The following BLOC1S5 variants were observed in gnomAD, a reference collection of about 807,000 sequenced individuals.
BLOC1S5 encodes biogenesis of lysosome-related organelles complex 1 subunit 5.
BLOC1S5 carries 27 observed loss-of-function variants against 24.3 expected under a neutral mutation model. The ratio of observed to expected loss-of-function variants is 1.11; its 90% confidence interval spans 0.82 to 1.53. The LOEUF (loss-of-function observed/expected upper bound fraction) is 1.53. Among genes scored for constraint, BLOC1S5 ranks in the 40% most tolerant of loss-of-function variants. The probability of loss-of-function intolerance (pLI) is 0.00; values close to 1 mark genes in which losing one functional copy is unlikely to be tolerated. For missense variants in BLOC1S5, 239 were observed against 229.4 expected (o/e 1.04, Z -0.27); for synonymous variants, 84 against 74.5 (o/e 1.13, Z -0.66).
intron 3 of BLOC1S5, among the ~76,000 whole-genome samples, chr6:8,031,447 C>T (rs894170477): frequency 3.9e-5 from 6 of 152,138 alleles, no homozygotes; most frequent in African/African-American, 1.4e-4. Context: ...AGGAAAACTA[C>T]AAAACATGAC....
intron 2 of BLOC1S5, among the ~76,000 whole-genome samples, chr6:8,062,100 G>A (rs1764533326): frequency 6.6e-6 from 1 of 152,108 alleles, no homozygotes. Flanking sequence ...TAAAAGATGG[G>A]GTCACTGAAT....
intron 3 of BLOC1S5, among the ~76,000 whole-genome samples, chr6:8,028,364 T>TAAAA (rs200405748): frequency 2.3e-4 from 33 of 146,122 alleles, no homozygotes; most frequent in African/African-American, 6.8e-4. Flanking sequence ...AGAAAATATT[T>TAAAA]AAAAAAAAAA....
rs367754967 is a variant in BLOC1S5, at chr6:8,034,956, TACAC to T, written c.325+6179_325+6182del. On this transcript the variant is annotated intron_variant, in intron 3 of 4. Transcript: ENST00000397457. ...ATATACATATATATACACATATGCATACACACACACACACACATACACATATACA... is the reference window on the plus strand; with the variant it reads ...ATATACATATATATACACATATGCATACACACACACACATACACATATACA... 1.2e-3 allele frequency among the ~76,000 whole-genome samples: 174 copies of T among 150,248 alleles called. 1 individual carries two copies. Among genetic ancestry groups the T allele is most frequent in the Middle Eastern group, 0.01 (3 of 290 alleles).
intron 3 of BLOC1S5, among the ~76,000 whole-genome samples, chr6:8,035,731 G>A (rs543755797): frequency 1.3e-5 from 2 of 152,240 alleles, no homozygotes; most frequent in African/African-American, 4.8e-5. Context: ...GAACTCCCAA[G>A]TACATACAGG....
intron 3 of BLOC1S5, among the ~76,000 whole-genome samples, chr6:8,035,815 T>C (rs905848176): frequency 1.3e-5 from 2 of 152,168 alleles, no homozygotes; most frequent in Non-Finnish European, 1.5e-5. Flanking sequence ...TTCTTAGTAA[T>C]GGACAGATCA....
chr6:8,026,269 C>T (rs938330954), intron 4 of BLOC1S5, 98 bp downstream of exon 4: 13 of 939,636 alleles, frequency 1.4e-5, no homozygotes, highest in Non-Finnish European at 2.0e-5. Flanking sequence ...ATGTAAAACT[C>T]ACTGCATTCA....
At chr6:8,032,167 G>A (rs2113541354) in intron 3 of BLOC1S5, among the ~76,000 whole-genome samples, 1 of 152,180 alleles carries the variant, frequency 6.6e-6, no homozygotes, top group South Asian at 2.1e-4. Flanking sequence ...GAAATAATCA[G>A]CAAACAGACA....
In BLOC1S5 at chr6:8,027,976, T is replaced by C. The variant is rs143569776; in HGVS notation, c.326-1551A>G. 4.1e-3 allele frequency among the ~76,000 whole-genome samples: 628 copies of C among 152,384 alleles called. 9 individuals carry two copies. Among genetic ancestry groups the C allele is most frequent in the Admixed American group, 0.035 (541 of 15,310 alleles). On this transcript the variant is annotated intron_variant, in intron 3 of 4. Coordinates refer to ENST00000397457, the MANE Select transcript of BLOC1S5 (RefSeq NM_201280.3). ...AAAGCCCAGTTCAAGGTTTACTGTC[T>C]TCACAAAGCCCTCCTGATTAGTCCC... is the stretch of plus-strand genomic sequence containing the variant.
At chr6:8,046,510 AT>A (rs142440159) in intron 2 of BLOC1S5, among the ~76,000 whole-genome samples, 2,884 of 151,972 alleles carry the variant, frequency 0.019, 89 homozygotes, top group African/African-American at 0.066. Flanking sequence ...GAGGTTTTTT[AT>A]TTTTTTTGAG....
chr6:8,053,786 C>T (rs1178865620), intron 2 of BLOC1S5, among the ~76,000 whole-genome samples: 2 of 152,132 alleles, frequency 1.3e-5, no homozygotes, highest in Non-Finnish European at 2.9e-5. Context: ...CAAATTCACA[C>T]ACACATACAT....
intron 3 of BLOC1S5, among the ~76,000 whole-genome samples, chr6:8,028,142 C>T (rs1763171218): frequency 1.3e-5 from 2 of 152,056 alleles, no homozygotes; most frequent in East Asian, 1.9e-4. Flanking sequence ...CACCCCAATC[C>T]GGCCCCAACT....
Position 8,014,112 on chromosome 6 carries a change from A to G in BLOC1S5, c.*1537T>C, listed in dbSNP as rs760365669. 1 of 152,216 alleles carries G rather than the reference A, an allele frequency of 6.6e-6. No individual in the cohort carries two copies. Among genetic ancestry groups the G allele is most frequent in the Non-Finnish European group, 1.5e-5 (1 of 68,042 alleles). The allele number at this position is 152,216 out of a possible 1,614,324, so 9.4% of individuals were successfully genotyped here. A position where few individuals can be genotyped will look rare whatever the true frequency, so the allele number is the denominator to read the frequency against. ...AGTCGCCACACTGAGATAACACAAG[A>G]GAGCTGGATATTTTCTTTCTTGTGC... is the stretch of plus-strand genomic sequence containing the variant. On this transcript the variant is annotated 3_prime_UTR_variant, in exon 5 of 5. Transcript: ENST00000397457.
chr6:8,047,283 C>A (rs1204033123), intron 2 of BLOC1S5, among the ~76,000 whole-genome samples: 1 of 151,566 alleles, frequency 6.6e-6, no homozygotes, highest in Non-Finnish European at 1.5e-5. Flanking sequence ...TCTTGGCTCA[C>A]TGCAACCTCT....
intron 2 of BLOC1S5, among the ~76,000 whole-genome samples, chr6:8,042,894 G>C (rs1763742201): frequency 6.6e-6 from 1 of 152,150 alleles, no homozygotes; most frequent in South Asian, 2.1e-4. Flanking sequence ...AAGCTTCCCT[G>C]TAAGATTACA....
chr6:8,047,160 T>TCACACACACA (rs57923927), intron 2 of BLOC1S5, among the ~76,000 whole-genome samples: 11 of 126,948 alleles, frequency 8.7e-5, no homozygotes, highest in African/African-American at 3.1e-4. Flanking sequence ...TCTCTCTCTC[T>TCACACACACA]CACACACACA....
intron 2 of BLOC1S5, among the ~76,000 whole-genome samples, chr6:8,048,908 G>A (rs926556574): frequency 1.3e-5 from 2 of 151,758 alleles, no homozygotes; most frequent in Non-Finnish European, 1.5e-5. Context: ...AGCTACTCAG[G>A]AGGCTGAGGC....
At chr6:8,056,576 AT>A (rs2113601524) in intron 2 of BLOC1S5, among the ~76,000 whole-genome samples, 1 of 152,342 alleles carries the variant, frequency 6.6e-6, no homozygotes, top group Admixed American at 6.5e-5. Context: ...TTCAATGCTT[AT>A]GGCACAGACT....
intron 2 of BLOC1S5, among the ~76,000 whole-genome samples, chr6:8,045,518 G>A (rs1036631904): frequency 2.6e-5 from 4 of 152,266 alleles, no homozygotes; most frequent in South Asian, 2.1e-4. Context: ...TAGATCCACC[G>A]ACAGCTTGCA....
intron 4 of BLOC1S5, among the ~76,000 whole-genome samples, chr6:8,019,240 C>G (rs940119913): frequency 6.6e-6 from 1 of 150,952 alleles, no homozygotes; most frequent in African/African-American, 2.4e-5. Flanking sequence ...TAGTTTCCCA[C>G]TTGTAATAGT....
Sources: allele counts gnomAD v4.1 joint callset (sites outside exome capture counted in the v4.1 genomes callset), GRCh38; gene constraint gnomAD v4.1.1; transcripts MANE v1.5; gene names NCBI Gene and HGNC (gene_info 2026-07-23, HGNC 2026-07-21).